The following RGS18 variants were observed in gnomAD, a reference collection of about 807,000 sequenced individuals.
The protein encoded by RGS18 is regulator of G protein signaling 18, also known as regulator of G-protein signaling 18.
In RGS18, 22 loss-of-function variants were observed where a neutral mutation model predicts 27.6. The observed-to-expected ratio is 0.80, with a 90% confidence interval of 0.57 to 1.14. RGS18 has a LOEUF of 1.14. Among genes scored for constraint, RGS18 ranks in the 50% most tolerant of loss-of-function variants. The pLI is 0.00. For missense variants in RGS18, 299 were observed against 269.6 expected (o/e 1.11, Z -0.76); for synonymous variants, 89 against 84.6 (o/e 1.05, Z -0.29).
At chr1:192,178,481 G>A (rs1052777607) in intron 3 of RGS18, among the ~76,000 whole-genome samples, 3 of 151,562 alleles carry the variant, frequency 2.0e-5, no homozygotes, top group Non-Finnish European at 4.4e-5. Flanking sequence ...GGATGCAATA[G>A]TCAGAGGTGT....
chr1:192,162,876 T>C (rs937295377), intron 3 of RGS18, among the ~76,000 whole-genome samples: 51 of 152,180 alleles, frequency 3.4e-4, no homozygotes, highest in African/African-American at 1.2e-3. Flanking sequence ...AAAAGAGGAC[T>C]GGGATTAATT....
intron 3 of RGS18, among the ~76,000 whole-genome samples, chr1:192,175,084 TA>T (rs1341476164): frequency 1.3e-5 from 2 of 151,844 alleles, no homozygotes; most frequent in African/African-American, 2.4e-5. Context: ...GACCATCCAA[TA>T]TTTTTTTATT....
At chr1:192,160,321 G>C in intron 2 of RGS18, 57 bp from the exon 3 acceptor site, 2 of 1,112,234 alleles carry the variant, frequency 1.8e-6, no homozygotes, top group Admixed American at 1.8e-5. Flanking sequence ...TGTTAGAACA[G>C]ATTCATAAAC....
chr1:192,181,470 A>G lies in RGS18; in HGVS notation c.450+12A>G. On this transcript the variant is annotated intron_variant, in intron 4 of 4. Coordinates refer to ENST00000367460, the MANE Select transcript of RGS18 (RefSeq NM_130782.3). ...ATGCCCCAAAAGAGGTACAGTAAAGATAACTGTAAAAATGCATAATTGCTT... is the reference window on the plus strand; with the variant it reads ...ATGCCCCAAAAGAGGTACAGTAAAGGTAACTGTAAAAATGCATAATTGCTT... 6.7e-6 allele frequency: 10 copies of G among 1,490,778 alleles called. No individual in the cohort carries two copies. The highest frequency in any genetic ancestry group is 8.9e-6 in the Non-Finnish European group (10 of 1,124,526). The allele number at this position is 1,490,778 out of a possible 1,614,324, so 92.3% of individuals were successfully genotyped here.
At chr1:192,179,609 A>C (rs1656415750) in intron 3 of RGS18, among the ~76,000 whole-genome samples, 1 of 151,720 alleles carries the variant, frequency 6.6e-6, no homozygotes, top group Non-Finnish European at 1.5e-5. Flanking sequence ...ATATCATGGA[A>C]TATAATACAG....
intron 3 of RGS18, among the ~76,000 whole-genome samples, chr1:192,174,005 T>G (rs1373626357): frequency 1.3e-5 from 2 of 151,404 alleles, no homozygotes; most frequent in Admixed American, 6.6e-5. Context: ...ACCCTTCCTG[T>G]TTTTTTTCTT....
At chr1:192,159,433 G>A in intron 2 of RGS18, 112 bp downstream of exon 2, 13 of 671,660 alleles carry the variant, frequency 1.9e-5, no homozygotes, top group South Asian at 3.8e-5. Flanking sequence ...AGCAATATAA[G>A]GAAAGTTAGA....
At chr1:192,183,741 A>G (rs1656494894) in intron 4 of RGS18, among the ~76,000 whole-genome samples, 1 of 151,672 alleles carries the variant, frequency 6.6e-6, no homozygotes, top group African/African-American at 2.4e-5. Context: ...TACCTATAGA[A>G]TGGAATATTC....
chr1:192,183,471 T>C (rs1281143875), intron 4 of RGS18, among the ~76,000 whole-genome samples: 1 of 151,560 alleles, frequency 6.6e-6, no homozygotes, highest in Non-Finnish European at 1.5e-5. Context: ...ATTTTGAAAA[T>C]GAGTTATGCT....
At chr1:192,172,359 C>T (rs1211919318) in intron 3 of RGS18, among the ~76,000 whole-genome samples, 1 of 151,872 alleles carries the variant, frequency 6.6e-6, no homozygotes, top group Non-Finnish European at 1.5e-5. Context: ...GCCAGGCTGC[C>T]CCTCGGGTTT....
At chr1:192,175,093 A>T (rs1396273124) in intron 3 of RGS18, among the ~76,000 whole-genome samples, 1 of 151,404 alleles carries the variant, frequency 6.6e-6, no homozygotes, top group Admixed American at 6.6e-5. Flanking sequence ...ATATTTTTTT[A>T]TTTTTAATAT....
At chr1:192,166,410 T>C (rs1035529943) in intron 3 of RGS18, among the ~76,000 whole-genome samples, 2 of 152,148 alleles carry the variant, frequency 1.3e-5, no homozygotes, top group Non-Finnish European at 2.9e-5. Context: ...AAGTTTACTC[T>C]GAGGCAAAGA....
In RGS18 at chr1:192,184,501, T is replaced by A. The variant is rs1353983486; in HGVS notation, c.655T>A (p.Phe219Ile). Residue 219 changes from phenylalanine (F) to isoleucine (I), a missense_variant, in exon 5 of 5, where the codon TTT becomes ATT. By Grantham distance (21) the Phe-to-Ile change is conservative. Transcript: ENST00000367460. ...PTNLRRRSRS[F>I]TCNEFQDVQS... ...AAATCTTAGGAGACGATCACGCTCATTTACCTGCAATGAATTCCAAGATGT... is the reference window on the plus strand; with the variant it reads ...AAATCTTAGGAGACGATCACGCTCAATTACCTGCAATGAATTCCAAGATGT... The A allele has an allele frequency of 7.4e-6, 12 of 1,611,400 alleles. No individual in the cohort carries two copies. The highest frequency in any genetic ancestry group is 1.0e-5 in the Non-Finnish European group (12 of 1,178,394).
chr1:192,181,176 A>G, intron 3 of RGS18, 116 bp from the exon 4 acceptor site: 1 of 575,458 alleles, frequency 1.7e-6, no homozygotes, highest in Non-Finnish European at 3.0e-6. Context: ...GCGGTGCTGC[A>G]TTAGAGGGAA....
intron 3 of RGS18, among the ~76,000 whole-genome samples, chr1:192,162,553 G>T (rs1656092632): frequency 6.6e-6 from 1 of 152,108 alleles, no homozygotes; most frequent in Admixed American, 6.5e-5. Context: ...AAAGTGACGG[G>T]ATTACAGGCG....
chr1:192,159,950 T>A (rs1305622046), intron 2 of RGS18, among the ~76,000 whole-genome samples: 3 of 152,072 alleles, frequency 2.0e-5, no homozygotes, highest in South Asian at 2.1e-4. Context: ...AAAAAAAAAA[T>A]TTGCAGCCTA....
At chr1:192,159,817 A>C (rs1181647386) in intron 2 of RGS18, among the ~76,000 whole-genome samples, 1 of 152,138 alleles carries the variant, frequency 6.6e-6, no homozygotes, top group East Asian at 1.9e-4. Flanking sequence ...ATAATAAAAA[A>C]GATCCGAGAA....
chr1:192,167,076 T>A (rs1359696175), intron 3 of RGS18, among the ~76,000 whole-genome samples: 1 of 152,196 alleles, frequency 6.6e-6, no homozygotes, highest in African/African-American at 2.4e-5. Context: ...CCTATTTACT[T>A]GAACTTTTTA....
At chr1:192,181,163 G>A (rs1323998906) in intron 3 of RGS18, 129 bp from the exon 4 acceptor site, 1 of 525,042 alleles carries the variant, frequency 1.9e-6, no homozygotes, top group African/African-American at 2.0e-5. Flanking sequence ...CAAGATGTGT[G>A]CTGCGGTGCT....
Sources: gnomAD v4.1 joint callset for allele counts (sites outside exome capture counted in the v4.1 genomes callset) on GRCh38, gnomAD v4.1.1 for gene constraint, MANE v1.5 for transcripts, NCBI Gene and HGNC (gene_info 2026-07-23, HGNC 2026-07-21) for gene names.